The following GPAM variants were observed in gnomAD, a reference collection of about 807,000 sequenced individuals.
The protein encoded by GPAM is glycerol-3-phosphate acyltransferase 1, mitochondrial.
In GPAM, 56 loss-of-function variants were observed where a neutral mutation model predicts 105.0. That is an observed-to-expected ratio of 0.53 (90% CI 0.43 to 0.67). GPAM has a LOEUF of 0.67. Among genes scored for constraint, GPAM ranks in the 30% least tolerant of loss-of-function variants. GPAM has a pLI of 0.00. For synonymous variants in GPAM, 368 were observed against 354.4 expected, an observed-to-expected ratio of 1.04 and a Z score of -0.43; for missense variants, 855 against 989.8, an observed-to-expected ratio of 0.86 and a Z score of 1.83.
At chr10:112,207,145 T>C (rs528845411) in intron 1 of GPAM, among the ~76,000 whole-genome samples, 3 of 152,360 alleles carry the variant, frequency 2.0e-5, no homozygotes, top group South Asian at 4.1e-4. Context: ...TCTGGAGATA[T>C]ATTTAGTTGT....
Position 112,175,690 on chromosome 10 carries a change from C to A in GPAM, c.323G>T (p.Arg108Leu), listed in dbSNP as rs760239867. Residue 108 changes from arginine to leucine, a missense_variant, in exon 6 of 22, where the codon CGC becomes CTC. Arg to Leu is a moderately radical substitution (Grantham distance 102). Coordinates refer to ENST00000348367, the MANE Select transcript of GPAM (RefSeq NM_001244949.2). ...TTGAATAAAAAGAACGTAAGAAAGG[C>A]GTCTTGCAAGCCATCCGCGGTGTCT... ...HTRHRGWLAR[R>L]LSYVLFIQER... 5 of 1,612,042 alleles carry A rather than the reference C, an allele frequency of 3.1e-6. No individual in the cohort carries two copies. Among genetic ancestry groups the A allele is most frequent in the Admixed American group, 3.3e-5 (2 of 60,004 alleles).
intron 1 of GPAM, among the ~76,000 whole-genome samples, chr10:112,199,878 C>T (rs906876548): frequency 6.6e-6 from 1 of 152,132 alleles, no homozygotes; most frequent in African/African-American, 2.4e-5. Context: ...ATTATCTCCA[C>T]CTGGCCCTGC....
In GPAM at chr10:112,159,829, T is replaced by C. The variant is rs1010821018; in HGVS notation, c.1902+82A>G. ...TATCAACAATGGGTCAAACATTATCTAACAGAAAAACACGGGGGGTTACGT... is the reference window on the plus strand; with the variant it reads ...TATCAACAATGGGTCAAACATTATCCAACAGAAAAACACGGGGGGTTACGT... On this transcript the variant is annotated intron_variant, in intron 17 of 21. Transcript: ENST00000348367. The C allele has an allele frequency of 2.9e-6, 4 of 1,365,716 alleles. No individual in the cohort carries two copies. The Admixed American group carries it at 5.0e-5, about 17-fold the overall frequency. 84.6% of individuals were successfully genotyped at this position (1,365,716 alleles called of 1,614,324 possible).
At chr10:112,227,083 G>T in the GPAM span, among the ~76,000 whole-genome samples, 4 of 152,254 alleles carry the variant, frequency 2.6e-5, no homozygotes, top group Middle Eastern at 0.014. Flanking sequence ...GACCCCTCAG[G>T]CATGCCACTC....
At chr10:112,164,436 C>T (rs754684906) in intron 13 of GPAM, 89 bp downstream of exon 13, 132 of 763,182 alleles carry the variant, frequency 1.7e-4, no homozygotes, top group Non-Finnish European at 2.6e-4. Flanking sequence ...TAAGAATGTG[C>T]GCATTTTTAA....
intron 1 of GPAM, among the ~76,000 whole-genome samples, chr10:112,191,335 A>G (rs1010683597): frequency 6.6e-6 from 1 of 152,180 alleles, no homozygotes; most frequent in South Asian, 2.1e-4. Flanking sequence ...GATAGGGTAC[A>G]TGACAAGGTT....
intron 1 of GPAM, among the ~76,000 whole-genome samples, chr10:112,190,225 C>T (rs541387888): frequency 9.2e-5 from 14 of 152,170 alleles, no homozygotes; most frequent in East Asian, 3.9e-4. Flanking sequence ...ACCAGTGTAT[C>T]GCATGCTGAG....
intron 1 of GPAM, among the ~76,000 whole-genome samples, chr10:112,201,496 G>A (rs921088137): frequency 7.9e-5 from 12 of 151,970 alleles, no homozygotes; most frequent in Middle Eastern, 6.8e-3. Flanking sequence ...CTCAACCCTC[G>A]TCCCCAAGGT....
intron 17 of GPAM, 152 bp downstream of exon 17, chr10:112,159,759 C>T (rs555962670): frequency 6.4e-5 from 48 of 753,406 alleles, no homozygotes; most frequent in Middle Eastern, 7.3e-4. Flanking sequence ...TAGTAAATGA[C>T]ATATTGGTTT....
At chr10:112,218,679 T>G (rs900858792), upstream of GPAM, among the ~76,000 whole-genome samples, 1 of 152,198 alleles carries the variant, frequency 6.6e-6, no homozygotes. Context: ...AATATACTTA[T>G]GGTTACTCCT....
chr10:112,162,418 AG>A (rs545414462), intron 14 of GPAM, among the ~76,000 whole-genome samples: 162 of 152,320 alleles, frequency 1.1e-3, no homozygotes, highest in African/African-American at 3.3e-3. Context: ...CCTGACCCAG[AG>A]GTAAGAAGGA....
In GPAM at chr10:112,173,077, G is replaced by T. The variant is rs775663338; in HGVS notation, c.561-11C>A. On this transcript the variant is annotated splice_polypyrimidine_tract_variant and intron_variant, in intron 7 of 21. Transcript: ENST00000348367. The stretch of plus-strand genomic sequence containing the variant: ...ACCCACCCAGTCAGTCTGAAACAAA[G>T]TACAAACAAAAAAAACAACATAAAT... The T allele has an allele frequency of 1.0e-5, 15 of 1,495,214 alleles. No homozygotes were observed. The Admixed American group carries it at 2.2e-4, about 22-fold the overall frequency. 92.6% of individuals were successfully genotyped at this position (1,495,214 alleles called of 1,614,324 possible).
At chr10:112,163,345 G>C in intron 14 of GPAM, among the ~76,000 whole-genome samples, 1 of 152,194 alleles carries the variant, frequency 6.6e-6, no homozygotes, top group Middle Eastern at 3.2e-3. Flanking sequence ...GGGGTCAAAG[G>C]AGAAATGGAC....
intron 4 of GPAM, among the ~76,000 whole-genome samples, chr10:112,179,420 T>C (rs989097262): frequency 6.6e-6 from 1 of 152,248 alleles, no homozygotes; most frequent in Non-Finnish European, 1.5e-5. Context: ...AAGTGACCTA[T>C]TAATCTGAAC....
intron 20 of GPAM, chr10:112,154,940 T>A: frequency 1.8e-6 from 1 of 564,238 alleles, no homozygotes; most frequent in Non-Finnish European, 3.2e-6. Flanking sequence ...AAAGAGGGTG[T>A]AGAGAGAGAA....
the GPAM span, among the ~76,000 whole-genome samples, chr10:112,224,744 C>T: frequency 6.6e-6 from 1 of 152,040 alleles, no homozygotes; most frequent in African/African-American, 2.4e-5. Context: ...CCTTTTCTGC[C>T]CCTAAGAATC....
At chr10:112,204,365 G>A (rs770998035) in intron 1 of GPAM, among the ~76,000 whole-genome samples, 13 of 151,648 alleles carry the variant, frequency 8.6e-5, no homozygotes, top group Non-Finnish European at 1.8e-4. Context: ...AGACAGTTGG[G>A]GATTTTAAGA....
the GPAM span, among the ~76,000 whole-genome samples, chr10:112,223,622 C>A: frequency 6.6e-6 from 1 of 152,180 alleles, no homozygotes; most frequent in Non-Finnish European, 1.5e-5. Flanking sequence ...GATCTTCCTT[C>A]CTCCTTCATG....
chr10:112,222,731 T>C, the GPAM span, among the ~76,000 whole-genome samples: 1 of 152,174 alleles, frequency 6.6e-6, no homozygotes, highest in South Asian at 2.1e-4. Flanking sequence ...GGTGTGCATG[T>C]TCAGTCTTCC....
Sources: allele counts gnomAD v4.1 joint callset (sites outside exome capture counted in the v4.1 genomes callset), GRCh38; gene constraint gnomAD v4.1.1; transcripts MANE v1.5; gene names NCBI Gene and HGNC (gene_info 2026-07-23, HGNC 2026-07-21).